Variants in SLC8A1 observed in about 807,000 individuals in gnomAD.
SLC8A1 encodes solute carrier family 8 member A1.
A neutral mutation model predicts 68.3 loss-of-function variants in SLC8A1; 18 were observed. The observed-to-expected ratio is 0.26, with a 90% CI of 0.18 to 0.39. The LOEUF (loss-of-function observed/expected upper bound fraction) is 0.39. Among genes scored for constraint, SLC8A1 ranks in the 10% least tolerant of loss-of-function variants. The pLI, the probability that SLC8A1 is intolerant of heterozygous loss-of-function variation, is 1.00. For missense variants in SLC8A1, 985 were observed against 1,156.7 expected, an observed-to-expected ratio of 0.85 and a Z score of 2.15; for synonymous variants, 475 against 415.5, an observed-to-expected ratio of 1.14 and a Z score of -1.74.
intron 2 of SLC8A1, among the ~76,000 whole-genome samples, chr2:40,210,697 G>A (rs1424521473): frequency 6.6e-6 from 1 of 152,166 alleles, no homozygotes; most frequent in Non-Finnish European, 1.5e-5. Context: ...TCTAATGAAT[G>A]CTGAGTAATT....
chr2:40,284,412 TAG>T (rs1046382564), intron 2 of SLC8A1, among the ~76,000 whole-genome samples: 27 of 147,302 alleles, frequency 1.8e-4, no homozygotes, highest in Admixed American at 3.4e-4. Flanking sequence ...TATATTTATA[TAG>T]AGAGATCTAT....
At chr2:40,109,142 A>AG (rs1247582864) in exon 8 of SLC8A1, 1 of 152,208 alleles carries the variant, frequency 6.6e-6, no homozygotes, top group Non-Finnish European at 1.5e-5. Context: ...ACAGATTAAC[A>AG]GTGAAGTTAG....
chr2:40,205,624 A>G (rs1558746315), intron 2 of SLC8A1, among the ~76,000 whole-genome samples: 1 of 152,000 alleles, frequency 6.6e-6, no homozygotes. Context: ...ACAGAGGGGA[A>G]CAACACACAC....
At chr2:40,152,646 C>G in intron 6 of SLC8A1, among the ~76,000 whole-genome samples, 1 of 151,150 alleles carries the variant, frequency 6.6e-6, no homozygotes. Context: ...AAACTCCTGG[C>G]CTCAAGTGAT....
intron 4 of SLC8A1, among the ~76,000 whole-genome samples, chr2:40,169,911 C>T (rs2047166743): frequency 6.6e-6 from 1 of 152,156 alleles, no homozygotes; most frequent in Non-Finnish European, 1.5e-5. Flanking sequence ...CACCACTGCA[C>T]TCCAGCTTGA....
At chr2:40,109,810 AC>A (rs2034454219) in exon 8 of SLC8A1, 1 of 152,168 alleles carries the variant, frequency 6.6e-6, no homozygotes, top group Non-Finnish European at 1.5e-5. Flanking sequence ...AAAAATGTGA[AC>A]CACTGAGGCA....
At chr2:40,250,578 G>C (rs973137406) in intron 2 of SLC8A1, 3 of 152,142 alleles carry the variant, frequency 2.0e-5, no homozygotes, top group African/African-American at 7.2e-5. Context: ...CTATCTCTCT[G>C]AAGAGTGACT....
intron 7 of SLC8A1, among the ~76,000 whole-genome samples, chr2:40,134,298 G>C (rs762679616): frequency 1.2e-4 from 18 of 151,940 alleles, no homozygotes; most frequent in Non-Finnish European, 2.2e-4. Context: ...CAGCATGTTG[G>C]CCAGGTTGGT....
intron 2 of SLC8A1, among the ~76,000 whole-genome samples, chr2:40,291,346 TCTCA>T (rs1261978155): frequency 2.6e-5 from 4 of 152,292 alleles, no homozygotes; most frequent in Admixed American, 2.6e-4. Context: ...TAGCTGAGTT[TCTCA>T]CTGTGTTCAT....
chr2:40,339,153 A>G (rs527600828), intron 2 of SLC8A1, among the ~76,000 whole-genome samples: 2 of 152,242 alleles, frequency 1.3e-5, no homozygotes, highest in South Asian at 4.1e-4. Flanking sequence ...TTCTTCTCTC[A>G]TGTTTCTTTT....
At chr2:40,332,060 C>T (rs977388901) in intron 2 of SLC8A1, among the ~76,000 whole-genome samples, 6 of 152,042 alleles carry the variant, frequency 3.9e-5, no homozygotes, top group Non-Finnish European at 5.9e-5. Context: ...AGTGATCCTC[C>T]CACCTCAGCC....
At chr2:40,442,234 T>A in intron 1 of SLC8A1, among the ~76,000 whole-genome samples, 1 of 148,390 alleles carries the variant, frequency 6.7e-6, no homozygotes, top group Non-Finnish European at 1.5e-5. Context: ...CAAACAAATG[T>A]ATAAATCTTT....
intron 2 of SLC8A1, among the ~76,000 whole-genome samples, chr2:40,209,752 C>T (rs1212895291): frequency 6.6e-6 from 1 of 152,060 alleles, no homozygotes; most frequent in African/African-American, 2.4e-5. Flanking sequence ...AGAGTCTCTT[C>T]TGATTGCTTC....
In SLC8A1 at chr2:40,150,051, T is replaced by TAAAA. The variant is rs56010293; in HGVS notation, c.2162-10379_2162-10376dup. On this transcript the variant is annotated intron_variant, in intron 6 of 7. Coordinates refer to ENST00000406785, the Ensembl canonical transcript of SLC8A1. Reference sequence around the variant, plus strand: ...TCTCTGTTCTCAGGTTCTTATTTGTTAAAAAAAAAAAAAAAAAAAAGGCAA... The same window carrying TAAAA: ...TCTCTGTTCTCAGGTTCTTATTTGTTAAAAAAAAAAAAAAAAAAAAAAAAGGCAA... Among the ~76,000 whole-genome samples the TAAAA allele has an allele frequency of 8.9e-4, 108 of 121,730 alleles. 2 individuals carry two copies. The highest frequency in any genetic ancestry group is 2.4e-3 in the East Asian group (10 of 4,142). The allele number at this position is 121,730 out of a possible 152,430, so 79.9% of individuals were successfully genotyped here.
chr2:40,433,746 T>C (rs1698838472), intron 1 of SLC8A1, among the ~76,000 whole-genome samples: 2 of 152,180 alleles, frequency 1.3e-5, no homozygotes, highest in South Asian at 2.1e-4. Context: ...CCAAGACTGA[T>C]ATAACTAACT....
chr2:40,358,534 C>G (rs80113359), intron 2 of SLC8A1, among the ~76,000 whole-genome samples: 2,148 of 152,176 alleles, frequency 0.014, 42 homozygotes, highest in African/African-American at 0.049. Context: ...ATTTTAAAAC[C>G]TAATCCAGTC....
At chr2:40,388,610 C>G (rs1684337336) in intron 2 of SLC8A1, among the ~76,000 whole-genome samples, 1 of 152,098 alleles carries the variant, frequency 6.6e-6, no homozygotes. Context: ...GGTAAACGTT[C>G]TTGTTAAACA....
intron 2 of SLC8A1, among the ~76,000 whole-genome samples, chr2:40,354,396 G>A (rs539043082): frequency 2.0e-5 from 3 of 152,082 alleles, no homozygotes; most frequent in Admixed American, 1.3e-4. Context: ...GTCACACTCC[G>A]TGCACAGCCC....
chr2:40,371,622 T>A (rs965852222), intron 2 of SLC8A1, among the ~76,000 whole-genome samples: 6 of 152,152 alleles, frequency 3.9e-5, no homozygotes, highest in African/African-American at 1.4e-4. Flanking sequence ...GCTCAATAAA[T>A]CCTAGCTCTT....
Sources: allele counts gnomAD v4.1 joint callset (sites outside exome capture counted in the v4.1 genomes callset), GRCh38; gene constraint gnomAD v4.1.1; transcripts MANE v1.5; gene names NCBI Gene and HGNC (gene_info 2026-07-23, HGNC 2026-07-21).